Variants in SGCZ observed in about 807,000 individuals in gnomAD.
The protein encoded by SGCZ is zeta-sarcoglycan.
SGCZ carries 40 observed loss-of-function variants against 41.3 expected under a neutral mutation model. That is an observed-to-expected ratio of 0.97 (90% confidence interval 0.75 to 1.26). The LOEUF (loss-of-function observed/expected upper bound fraction) is 1.26. Among genes scored for constraint, SGCZ ranks in the 50% most tolerant of loss-of-function variants. The probability of loss-of-function intolerance (pLI) is 0.00; values close to 1 mark genes in which losing one functional copy is unlikely to be tolerated. For missense variants in SGCZ, 552 were observed against 369.8 expected, an observed-to-expected ratio of 1.49 and a Z score of -4.04; for synonymous variants, 206 against 137.5, an observed-to-expected ratio of 1.50 and a Z score of -3.49.
At chr8:14,824,285 G>T (rs771395638) in intron 1 of SGCZ, among the ~76,000 whole-genome samples, 1 of 151,906 alleles carries the variant, frequency 6.6e-6, no homozygotes, top group Non-Finnish European at 1.5e-5. Flanking sequence ...ATGCATCAGG[G>T]GATGGATACA....
At chr8:15,043,324 G>A (rs184873497) in intron 1 of SGCZ, among the ~76,000 whole-genome samples, 114 of 152,168 alleles carry the variant, frequency 7.5e-4, no homozygotes, top group Non-Finnish European at 1.0e-3. Flanking sequence ...TTTCTCGGTC[G>A]TTTTGACCCT....
At chr8:14,291,223 G>C (rs1800830402) in intron 3 of SGCZ, among the ~76,000 whole-genome samples, 1 of 151,944 alleles carries the variant, frequency 6.6e-6, no homozygotes, top group East Asian at 1.9e-4. Context: ...ATAAGTTCTA[G>C]GTATCTATTG....
intron 1 of SGCZ, among the ~76,000 whole-genome samples, chr8:14,582,767 T>C (rs988295382): frequency 1.3e-4 from 20 of 150,864 alleles, no homozygotes; most frequent in African/African-American, 4.9e-4. Context: ...TGTTTGGTTT[T>C]TTGTCCTTGC....
chr8:14,369,850 C>G (rs1803848757), intron 2 of SGCZ, among the ~76,000 whole-genome samples: 2 of 151,996 alleles, frequency 1.3e-5, no homozygotes, highest in African/African-American at 4.8e-5. Flanking sequence ...AAGGACTTAG[C>G]ATATAATTAG....
At chr8:14,368,749 T>C (rs1335691150) in intron 2 of SGCZ, among the ~76,000 whole-genome samples, 4 of 152,014 alleles carry the variant, frequency 2.6e-5, no homozygotes, top group African/African-American at 9.7e-5. Flanking sequence ...TTCTGAGCAC[T>C]GTGTTGGCTG....
intron 1 of SGCZ, among the ~76,000 whole-genome samples, chr8:15,192,932 G>C (rs1042852374): frequency 4.6e-5 from 7 of 152,076 alleles, no homozygotes; most frequent in Non-Finnish European, 1.0e-4. Context: ...CCCAAAGACA[G>C]AGATTCATAC....
chr8:14,367,637 A>T (rs1803761066), intron 2 of SGCZ, among the ~76,000 whole-genome samples: 1 of 152,086 alleles, frequency 6.6e-6, no homozygotes, highest in South Asian at 2.1e-4. Flanking sequence ...GGTAGGTGGG[A>T]GAGCATGTGT....
intron 1 of SGCZ, among the ~76,000 whole-genome samples, chr8:15,097,747 T>C (rs1396769583): frequency 2.2e-5 from 2 of 88,962 alleles, no homozygotes; most frequent in South Asian, 4.1e-4. Context: ...TATATATATA[T>C]ATACACGTAT....
intron 1 of SGCZ, among the ~76,000 whole-genome samples, chr8:14,560,858 A>C (rs909905259): frequency 1.0e-4 from 15 of 147,678 alleles, no homozygotes; most frequent in African/African-American, 3.5e-4. Context: ...AAAGTTGTGA[A>C]AAAAACAAAA....
At chr8:14,381,317 A>G (rs535378184) in intron 2 of SGCZ, among the ~76,000 whole-genome samples, 2 of 152,360 alleles carry the variant, frequency 1.3e-5, no homozygotes, top group East Asian at 3.9e-4. Context: ...GAAATTCTGA[A>G]TATAAAAACA....
At chr8:15,050,111 GATGAA>G (rs1489285838) in intron 1 of SGCZ, among the ~76,000 whole-genome samples, 19 of 152,114 alleles carry the variant, frequency 1.2e-4, no homozygotes, top group African/African-American at 4.3e-4. Context: ...GCACACATAT[GATGAA>G]ATGAATAAGA....
intron 1 of SGCZ, among the ~76,000 whole-genome samples, chr8:14,759,797 G>A (rs1364864064): frequency 6.6e-6 from 1 of 152,118 alleles, no homozygotes; most frequent in Non-Finnish European, 1.5e-5. Flanking sequence ...TCGTATTAGT[G>A]AGTGTCTGTG....
rs1336853593 is a variant in SGCZ at position 14,839,531 on chromosome 8, A to T, written c.40-284605T>A. ...TTATGTAATTATAACCAAAGCACTA[A>T]CATTTGTTTTACAATAAGTTTCTTT... On this transcript the variant is annotated intron_variant, in intron 1 of 7. Coordinates refer to ENST00000382080, the MANE Select transcript of SGCZ (RefSeq NM_139167.4). Among the ~76,000 whole-genome samples, 3 of 152,176 alleles carry T rather than the reference A, an allele frequency of 2.0e-5. No homozygotes were observed. The East Asian group carries it at 5.8e-4, about 29-fold the overall frequency.
intron 3 of SGCZ, among the ~76,000 whole-genome samples, chr8:14,263,003 C>T (rs1387676479): frequency 6.6e-6 from 1 of 152,144 alleles, no homozygotes; most frequent in Non-Finnish European, 1.5e-5. Flanking sequence ...ACACAAACTT[C>T]TCTTTTCTTA....
intron 3 of SGCZ, among the ~76,000 whole-genome samples, chr8:14,265,604 T>C (rs1799840245): frequency 6.6e-6 from 1 of 152,028 alleles, no homozygotes; most frequent in African/African-American, 2.4e-5. Context: ...TTTGCTTTGA[T>C]CTCAAAGAAT....
chr8:14,312,109 C>A (rs1191143069), intron 3 of SGCZ, among the ~76,000 whole-genome samples: 1 of 152,048 alleles, frequency 6.6e-6, no homozygotes, highest in Admixed American at 6.6e-5. Flanking sequence ...GTCATGAAAT[C>A]ATTTAGTTGG....
chr8:14,391,076 C>G (rs1348448756), intron 2 of SGCZ, among the ~76,000 whole-genome samples: 1 of 152,004 alleles, frequency 6.6e-6, no homozygotes, highest in Non-Finnish European at 1.5e-5. Flanking sequence ...AACACAACTC[C>G]ATAGTAAGTC....
intron 1 of SGCZ, among the ~76,000 whole-genome samples, chr8:14,595,992 C>T (rs560720366): frequency 1.3e-5 from 2 of 152,280 alleles, no homozygotes; most frequent in East Asian, 3.9e-4. Context: ...ACTACAGAAA[C>T]AGGCAGCTGT....
intron 1 of SGCZ, among the ~76,000 whole-genome samples, chr8:14,613,016 G>A (rs1805979743): frequency 6.6e-6 from 1 of 152,062 alleles, no homozygotes; most frequent in Non-Finnish European, 1.5e-5. Context: ...GGACAAAAAA[G>A]CCTCCTGGTC....
Sources: gnomAD v4.1 joint callset for allele counts (sites outside exome capture counted in the v4.1 genomes callset) on GRCh38, gnomAD v4.1.1 for gene constraint, MANE v1.5 for transcripts, NCBI Gene and HGNC (gene_info 2026-07-23, HGNC 2026-07-21) for gene names.